GRIA3: variants seen among roughly 807,000 people sequenced by gnomAD.
GRIA3 encodes the protein glutamate receptor 3.
A neutral mutation model predicts 63.0 loss-of-function variants in GRIA3; 3 were observed. The observed-to-expected ratio is 0.05, with a 90% CI of 0.02 to 0.12. The LOEUF (loss-of-function observed/expected upper bound fraction) is 0.12. Ranked by LOEUF, GRIA3 falls within the 10% of genes least tolerant of loss-of-function variation. The pLI is 1.00. For missense variants in GRIA3, 347 were observed against 700.9 expected, an observed-to-expected ratio of 0.50 and a Z score of 5.70; for synonymous variants, 274 against 257.9, an observed-to-expected ratio of 1.06 and a Z score of -0.60.
chrX:123,298,639 T>C (rs1245830860), intron 3 of GRIA3, among the ~76,000 whole-genome samples: 1 of 111,927 alleles, frequency 8.9e-6, no homozygotes, highest in Non-Finnish European at 1.9e-5. Context: ...TATACCTTTA[T>C]CAGACTCATA....
At chrX:123,222,512 A>T (rs2147266138) in intron 2 of GRIA3, among the ~76,000 whole-genome samples, 2 of 112,306 alleles carry the variant, frequency 1.8e-5, no homozygotes, top group Admixed American at 1.9e-4. Context: ...CAACCAGAGG[A>T]ACTAGAAGAA....
chrX:123,382,602 C>T (rs770258440), intron 5 of GRIA3, among the ~76,000 whole-genome samples: 211 of 111,337 alleles, frequency 1.9e-3, no homozygotes, highest in Non-Finnish European at 2.5e-3. Flanking sequence ...GGGGTGTATG[C>T]GGCAGGATGA....
At chrX:123,404,976 A>G (rs1036371061) in intron 10 of GRIA3, 62 bp downstream of exon 10, 7 of 832,987 alleles carry the variant, frequency 8.4e-6, no homozygotes, top group African/African-American at 8.0e-5. Flanking sequence ...AAGAAGAGAG[A>G]AGATTTAATT....
intron 12 of GRIA3, among the ~76,000 whole-genome samples, chrX:123,464,182 G>C (rs1301601023): frequency 9.0e-6 from 1 of 110,985 alleles, no homozygotes; most frequent in African/African-American, 3.3e-5. Flanking sequence ...TAGTACCGGG[G>C]GTGGGGGTGT....
intron 2 of GRIA3, among the ~76,000 whole-genome samples, chrX:123,199,116 T>C (rs1003528054): frequency 9.0e-6 from 1 of 110,996 alleles, no homozygotes; most frequent in Non-Finnish European, 1.9e-5. Context: ...AGGAAGGAGA[T>C]ATGGAAAAGA....
chrX:123,413,927 A>G (rs1429997101), intron 10 of GRIA3, among the ~76,000 whole-genome samples: 4 of 112,193 alleles, frequency 3.6e-5, no homozygotes, highest in Non-Finnish European at 7.5e-5. Context: ...TAGGAGGAGA[A>G]CCTGTAGTCT....
intron 5 of GRIA3, among the ~76,000 whole-genome samples, chrX:123,389,601 T>C (rs886156217): frequency 2.2e-4 from 25 of 111,692 alleles, no homozygotes; most frequent in African/African-American, 8.1e-4. Context: ...TATATGTACA[T>C]TTACATCTGA....
intron 4 of GRIA3, among the ~76,000 whole-genome samples, chrX:123,330,606 G>C (rs1391495799): frequency 8.9e-6 from 1 of 111,895 alleles, no homozygotes; most frequent in East Asian, 2.8e-4. Context: ...GGATTGTTTA[G>C]CCTGGTGAAA....
chrX:123,406,823 C>T (rs2045476906), intron 10 of GRIA3, among the ~76,000 whole-genome samples: 1 of 111,675 alleles, frequency 9.0e-6, no homozygotes, highest in African/African-American at 3.3e-5. Flanking sequence ...AGCACCCAGT[C>T]ATGATTTCTG....
chrX:123,357,869 CT>C (rs1410517906), intron 5 of GRIA3, among the ~76,000 whole-genome samples: 2 of 111,008 alleles, frequency 1.8e-5, no homozygotes, highest in Non-Finnish European at 3.8e-5. Flanking sequence ...CTTTTTCTTC[CT>C]TTAGTGACCC....
intron 2 of GRIA3, among the ~76,000 whole-genome samples, chrX:123,239,120 G>A (rs919971587): frequency 3.6e-5 from 4 of 110,553 alleles, no homozygotes; most frequent in Non-Finnish European, 5.7e-5. Context: ...GGCCAATGGC[G>A]GTGTTGACAG....
At chrX:123,483,823 T>C (rs1332852809) in intron 15 of GRIA3, among the ~76,000 whole-genome samples, 1 of 110,597 alleles carries the variant, frequency 9.0e-6, no homozygotes. Context: ...TCCCAGCTAC[T>C]CGGGAGGCTG....
chrX:123,406,411 G>A (rs1356600236), intron 10 of GRIA3, among the ~76,000 whole-genome samples: 1 of 111,943 alleles, frequency 8.9e-6, no homozygotes, highest in Non-Finnish European at 1.9e-5. Context: ...AGGTTCAGGA[G>A]AAGGACTCTA....
At chrX:123,294,508 G>A (rs892589779) in intron 3 of GRIA3, among the ~76,000 whole-genome samples, 3 of 111,154 alleles carry the variant, frequency 2.7e-5, no homozygotes, top group Non-Finnish European at 5.7e-5. Flanking sequence ...CTGACTCTTG[G>A]GAAACCATTA....
At chrX:123,296,546 T>C (rs949958596) in intron 3 of GRIA3, among the ~76,000 whole-genome samples, 4 of 111,293 alleles carry the variant, frequency 3.6e-5, no homozygotes, top group African/African-American at 1.3e-4. Context: ...TCACGCTATG[T>C]TCCCTCAGAA....
chrX:123,311,556 G>A (rs776539944), intron 3 of GRIA3, among the ~76,000 whole-genome samples: 1 of 112,355 alleles, frequency 8.9e-6, no homozygotes, highest in Admixed American at 9.4e-5. Context: ...AGAAGAAACC[G>A]CTGCTTTGGA....
intron 5 of GRIA3, among the ~76,000 whole-genome samples, chrX:123,372,070 G>T (rs2045250635): frequency 8.9e-6 from 1 of 111,913 alleles, no homozygotes; most frequent in Non-Finnish European, 1.9e-5. Context: ...GAGAGATAAA[G>T]ATCACGTTTC....
At chrX:123,423,402 T>C (rs1457444077) in intron 11 of GRIA3, among the ~76,000 whole-genome samples, 1 of 112,350 alleles carries the variant, frequency 8.9e-6, no homozygotes, top group Admixed American at 9.5e-5. Flanking sequence ...ATTTTAAGCA[T>C]ACCCTTTCCT....
At chrX:123,233,155 T>A (rs2044284382) in intron 2 of GRIA3, among the ~76,000 whole-genome samples, 1 of 111,172 alleles carries the variant, frequency 9.0e-6, no homozygotes, top group Admixed American at 9.6e-5. Flanking sequence ...AAGGTCTCTA[T>A]CCCTCAGCCT....
Sources: gnomAD v4.1 joint callset for allele counts (sites outside exome capture counted in the v4.1 genomes callset) on GRCh38, gnomAD v4.1.1 for gene constraint, MANE v1.5 for transcripts, NCBI Gene and HGNC (gene_info 2026-07-23, HGNC 2026-07-21) for gene names.